Variants in RFX4 observed in about 807,000 individuals in gnomAD.
RFX4 encodes transcription factor RFX4.
RFX4 carries 10 observed loss-of-function variants against 95.0 expected under a neutral mutation model. The ratio of observed to expected loss-of-function variants is 0.11; its 90% CI spans 0.06 to 0.18. The LOEUF is 0.18. RFX4 is among the 10% of genes least tolerant of loss of function. RFX4 has a pLI of 1.00. For synonymous variants in RFX4, 321 were observed against 340.7 expected (o/e 0.94, Z 0.64); for missense variants, 640 against 922.0 (o/e 0.69, Z 3.96).
chr12:106,614,533 G>A (rs906328601), intron 2 of RFX4, among the ~76,000 whole-genome samples: 3 of 147,980 alleles, frequency 2.0e-5, no homozygotes, highest in African/African-American at 7.5e-5. Flanking sequence ...GGTTGAGAAG[G>A]AGTATCGCTC....
At chr12:106,681,132 G>A (rs995927888) in intron 4 of RFX4, 1 of 152,114 alleles carries the variant, frequency 6.6e-6, no homozygotes, top group Admixed American at 6.6e-5. Flanking sequence ...GGTTGTCCTG[G>A]GCAACAGCAA....
At chr12:106,638,473 G>A (rs2040557428) in intron 2 of RFX4, among the ~76,000 whole-genome samples, 1 of 149,752 alleles carries the variant, frequency 6.7e-6, no homozygotes, top group Non-Finnish European at 1.5e-5. Flanking sequence ...CCATTGCATT[G>A]CTAACCTGAT....
At chr12:106,679,256 G>A (rs1455951213) in intron 4 of RFX4, among the ~76,000 whole-genome samples, 1 of 152,098 alleles carries the variant, frequency 6.6e-6, no homozygotes, top group Non-Finnish European at 1.5e-5. Flanking sequence ...TCAGGAGTTC[G>A]AGACCAGCCT....
intron 1 of RFX4, among the ~76,000 whole-genome samples, chr12:106,596,067 G>C (rs1276365305): frequency 1.3e-5 from 2 of 152,144 alleles, no homozygotes; most frequent in Admixed American, 6.5e-5. Flanking sequence ...TGACTTCCAA[G>C]ACCTTTTCCC....
chr12:106,668,412 T>G (rs1419954537), intron 4 of RFX4, among the ~76,000 whole-genome samples: 1 of 152,112 alleles, frequency 6.6e-6, no homozygotes, highest in Non-Finnish European at 1.5e-5. Context: ...GAAAATGTGG[T>G]CCACTCTATC....
chr12:106,620,435 G>A (rs1371840662), intron 2 of RFX4, among the ~76,000 whole-genome samples: 1 of 152,098 alleles, frequency 6.6e-6, no homozygotes, highest in Admixed American at 6.6e-5. Context: ...TTTATTAAGG[G>A]TTTCAAAAGG....
intron 3 of RFX4, among the ~76,000 whole-genome samples, chr12:106,644,975 T>C (rs1268071567): frequency 2.0e-5 from 3 of 152,086 alleles, no homozygotes; most frequent in Non-Finnish European, 4.4e-5. Flanking sequence ...TTTGGCTTGT[T>C]ATTGGAATTG....
chr12:106,583,468 C>A, intron 1 of RFX4, 105 bp downstream of exon 1: 1 of 1,054,192 alleles, frequency 9.5e-7, no homozygotes, highest in Non-Finnish European at 1.3e-6. Context: ...GTCAACTTGA[C>A]AGTGGAACCC....
chr12:106,624,503 T>C lies in RFX4; in HGVS notation c.131-14829T>C, dbSNP rs903116306. Among the ~76,000 whole-genome samples the C allele has an allele frequency of 1.3e-4, 20 of 152,094 alleles. No homozygotes were observed. The East Asian group carries it at 3.9e-3, about 29-fold the overall frequency. ...CCACGTCCAGCTACTTTTTGTATTT[T>C]TTTTTAGTAGAGATGGGGTTTCACC... On this transcript the variant is annotated intron_variant, in intron 2 of 17. Coordinates refer to ENST00000392842, the MANE Select transcript of RFX4 (RefSeq NM_213594.3).
At chr12:106,677,371 A>G (rs2041413594) in intron 4 of RFX4, among the ~76,000 whole-genome samples, 1 of 152,096 alleles carries the variant, frequency 6.6e-6, no homozygotes, top group Non-Finnish European at 1.5e-5. Flanking sequence ...TGGGAGCAAC[A>G]TAAGCCTGGA....
At chr12:106,734,510 C>T (rs1295320409) in intron 15 of RFX4, among the ~76,000 whole-genome samples, 2 of 151,696 alleles carry the variant, frequency 1.3e-5, no homozygotes, top group South Asian at 2.1e-4. Flanking sequence ...GCAGGAGACT[C>T]GCTTGAACCC....
In RFX4 at chr12:106,680,258, G is replaced by A. The variant is rs561785134; in HGVS notation, c.316-1735G>A. On this transcript the variant is annotated intron_variant, in intron 4 of 17. Coordinates refer to ENST00000392842, the MANE Select transcript of RFX4 (RefSeq NM_213594.3). ...CCATTCTCCACACTGGAGGTGGTCA[G>A]CTCCCCAGTGTAGAGAAATGGTCAG... Among the ~76,000 whole-genome samples, 24 of 152,266 alleles carry A rather than the reference G, an allele frequency of 1.6e-4. 1 individual carries two copies. Among genetic ancestry groups the A allele is most frequent in the African/African-American group, 5.5e-4 (23 of 41,558 alleles).
intron 3 of RFX4, among the ~76,000 whole-genome samples, chr12:106,640,698 T>C (rs1477125138): frequency 1.3e-5 from 2 of 151,888 alleles, no homozygotes; most frequent in East Asian, 3.9e-4. Flanking sequence ...CAAGTTCCCA[T>C]AGTGCCAAGA....
At chr12:106,691,011 G>A (rs1300637394) in intron 7 of RFX4, among the ~76,000 whole-genome samples, 1 of 152,196 alleles carries the variant, frequency 6.6e-6, no homozygotes, top group African/African-American at 2.4e-5. Flanking sequence ...AAACACAGTT[G>A]ATAGGATGGG....
At chr12:106,646,614 A>G (rs2040753044) in intron 3 of RFX4, among the ~76,000 whole-genome samples, 1 of 152,160 alleles carries the variant, frequency 6.6e-6, no homozygotes, top group Non-Finnish European at 1.5e-5. Context: ...TTACAATGGC[A>G]GGAATAAATC....
intron 8 of RFX4, among the ~76,000 whole-genome samples, chr12:106,696,687 C>T (rs2041887421): frequency 6.6e-6 from 1 of 152,014 alleles, no homozygotes; most frequent in Non-Finnish European, 1.5e-5. Flanking sequence ...AAACAATCTC[C>T]CCACCAGACT....
chr12:106,640,294 G>A (rs2040594337), intron 3 of RFX4, among the ~76,000 whole-genome samples: 2 of 152,184 alleles, frequency 1.3e-5, no homozygotes, highest in South Asian at 4.1e-4. Flanking sequence ...TAACTGCAAA[G>A]CTCATGCTTG....
At chr12:106,642,870 G>T (rs1165529559) in intron 3 of RFX4, among the ~76,000 whole-genome samples, 1 of 152,170 alleles carries the variant, frequency 6.6e-6, no homozygotes, top group Admixed American at 6.5e-5. Context: ...ACTGTTGCAG[G>T]TGACCTCTCC....
intron 17 of RFX4, among the ~76,000 whole-genome samples, chr12:106,752,318 C>T (rs1286243420): frequency 6.6e-6 from 1 of 151,984 alleles, no homozygotes; most frequent in South Asian, 2.1e-4. Flanking sequence ...GGTACCAGTA[C>T]CATGCTGTTT....
Sources: allele counts gnomAD v4.1 joint callset (sites outside exome capture counted in the v4.1 genomes callset), GRCh38; gene constraint gnomAD v4.1.1; transcripts MANE v1.5; gene names NCBI Gene and HGNC (gene_info 2026-07-23, HGNC 2026-07-21).